FOXR1: variants seen among roughly 807,000 people sequenced by gnomAD.
FOXR1 encodes forkhead box R1.
Under a neutral mutation model 34.5 loss-of-function variants are expected in FOXR1, and 25 were observed. The observed-to-expected ratio is 0.72, with a 90% CI of 0.53 to 1.01. FOXR1 has a LOEUF of 1.01. FOXR1 is among the 50% of genes least tolerant of loss of function. The probability of loss-of-function intolerance (pLI) is 0.00; values close to 1 mark genes in which losing one functional copy is unlikely to be tolerated. For synonymous variants in FOXR1, 153 were observed against 141.6 expected, an observed-to-expected ratio of 1.08 and a Z score of -0.57; for missense variants, 373 against 376.2, an observed-to-expected ratio of 0.99 and a Z score of 0.07.
chr11:118,979,623 G>C lies in FOXR1; in HGVS notation c.566G>C (p.Ser189Thr), dbSNP rs1476482589. The C allele has an allele frequency of 1.2e-6, 2 of 1,611,666 alleles. No individual in the cohort carries two copies. Among genetic ancestry groups the C allele is most frequent in the Non-Finnish European group, 1.7e-6 (2 of 1,178,966 alleles). The change falls in exon 4 of 6, where the codon AGT becomes ACT. Residue 189 changes from serine (S) to threonine (T), a missense_variant. Physicochemically the swap from Ser to Thr is moderately conservative, Grantham distance 58. Coordinates refer to ENST00000317011, the MANE Select transcript of FOXR1 (RefSeq NM_181721.3). ...CTAATTGCCCTGGCATTAAGAAACA[G>C]TTCCCCCTGTGGCCTCAACGTGCAA... The part of the protein sequence containing the change: ...FHLIALALRN[S>T]SPCGLNVQQI...
At chr11:118,974,116 A>G (rs1796502257) in intron 1 of FOXR1, among the ~76,000 whole-genome samples, 1 of 152,216 alleles carries the variant, frequency 6.6e-6, no homozygotes, top group Non-Finnish European at 1.5e-5. Flanking sequence ...GAAAGTGGTA[A>G]GGTCAGTAAG....
intron 1 of FOXR1, among the ~76,000 whole-genome samples, chr11:118,977,122 C>G (rs938310254): frequency 6.6e-6 from 1 of 152,068 alleles, no homozygotes; most frequent in Non-Finnish European, 1.5e-5. Flanking sequence ...CTTCTGCCTC[C>G]CAGGTTCAAG....
intron 1 of FOXR1, among the ~76,000 whole-genome samples, chr11:118,973,690 C>T (rs958433017): frequency 1.1e-4 from 15 of 140,570 alleles, no homozygotes; most frequent in East Asian, 4.0e-4. Flanking sequence ...CCACCGCACC[C>T]GGCCTTCTTT....
chr11:118,979,528 T>G lies in FOXR1; in HGVS notation c.471T>G (p.Ser157Arg), dbSNP rs538261334. The G allele has an allele frequency of 1.1e-5, 17 of 1,613,282 alleles. No individual in the cohort carries two copies. In the East Asian group the frequency reaches 2.0e-4, roughly 19 times the overall value. Residue 157 changes from serine to arginine, a missense_variant, in exon 4 of 6, where the codon AGT becomes AGG. Ser to Arg is a moderately radical substitution (Grantham distance 110). Coordinates refer to ENST00000317011, the MANE Select transcript of FOXR1 (RefSeq NM_181721.3). ...CTCACAAAAGGGCCCCCCTCCAGAG[T>G]CGGAGGCTTCGGCAAGCCAGCAGCC... Reference protein sequence around the residue: ...PSPHKRAPLQSRRLRQASSQA... With the variant: ...PSPHKRAPLQRRRLRQASSQA...
chr11:118,973,658 G>A (rs1054803605), intron 1 of FOXR1, among the ~76,000 whole-genome samples: 5 of 151,606 alleles, frequency 3.3e-5, no homozygotes, highest in Admixed American at 2.0e-4. Flanking sequence ...GCCTCCCAAA[G>A]TGCTAGAATT....
At chr11:118,972,509 T>G (rs1005033280) in intron 1 of FOXR1, among the ~76,000 whole-genome samples, 6 of 152,148 alleles carry the variant, frequency 3.9e-5, no homozygotes, top group Non-Finnish European at 8.8e-5. Flanking sequence ...CATCGCGATC[T>G]TTTAGGTTTT....
intron 4 of FOXR1, 196 bp from the exon 5 acceptor site, chr11:118,980,294 G>T: frequency 1.4e-6 from 1 of 708,746 alleles, no homozygotes. Context: ...CAGAGGGAGG[G>T]AGGGTTCAGG....
chr11:118,972,779 CGCCCT>C (rs1379491251), intron 1 of FOXR1, among the ~76,000 whole-genome samples: 1 of 152,048 alleles, frequency 6.6e-6, no homozygotes, highest in African/African-American at 2.4e-5. Flanking sequence ...TGCGCCACCA[CGCCCT>C]GTTAATTTTT....
chr11:118,974,488 G>A (rs2134480162), intron 1 of FOXR1, among the ~76,000 whole-genome samples: 1 of 152,208 alleles, frequency 6.6e-6, no homozygotes, highest in East Asian at 1.9e-4. Context: ...CATGCTCTCA[G>A]GGTCTGCTTC....
chr11:118,976,059 C>G (rs942123844), intron 1 of FOXR1, among the ~76,000 whole-genome samples: 1 of 152,146 alleles, frequency 6.6e-6, no homozygotes, highest in Non-Finnish European at 1.5e-5. Context: ...CAGAAAGACA[C>G]GAGGTGGTGC....
In FOXR1 at chr11:118,978,940, T is replaced by C; in HGVS notation, c.137-17T>C. 1.2e-6 allele frequency: 2 copies of C among 1,613,130 alleles called. No individual in the cohort carries two copies. The highest frequency in any genetic ancestry group is 1.7e-6 in the Non-Finnish European group (2 of 1,179,518). On this transcript the variant is annotated splice_polypyrimidine_tract_variant and intron_variant, in intron 2 of 5. Coordinates refer to ENST00000317011, the MANE Select transcript of FOXR1 (RefSeq NM_181721.3). ...AAAGCCAGTGGGCTGTGGCACACAA[T>C]CTTTTGTTCTGCACAGGTCCAGATT...
rs112326280 is a variant in FOXR1, at chr11:118,979,246, C to T, written c.384+42C>T. 3.0e-3 allele frequency: 4,443 copies of T among 1,504,900 alleles called. 154 individuals are homozygous for T. In the African/African-American group the frequency reaches 0.056, roughly 19 times the overall value. 93.2% of individuals were successfully genotyped at this position (1,504,900 alleles called of 1,614,324 possible). A position where few individuals can be genotyped will look rare whatever the true frequency, so the allele number is the denominator to read the frequency against. On this transcript the variant is annotated intron_variant, in intron 3 of 5. Transcript: ENST00000317011. Reference sequence around the variant, plus strand: ...ATGGGAGTGGGACTTGGGCAGTAGGCGAGGGGCATGGGGAAGAGCCATTAC... The same window carrying T: ...ATGGGAGTGGGACTTGGGCAGTAGGTGAGGGGCATGGGGAAGAGCCATTAC...
intron 4 of FOXR1, 85 bp downstream of exon 4, chr11:118,979,753 T>G: frequency 3.1e-6 from 4 of 1,284,394 alleles, no homozygotes; most frequent in Non-Finnish European, 4.3e-6. Context: ...AGGCCCTGGG[T>G]TGCTGACCTG....
chr11:118,979,531 G>A lies in FOXR1; in HGVS notation c.474G>A (p.Arg158=). 1 of 1,613,680 alleles carries A rather than the reference G, an allele frequency of 6.2e-7. No homozygotes were observed. The highest frequency in any genetic ancestry group is 8.5e-7 in the Non-Finnish European group (1 of 1,179,772). ...SPHKRAPLQS[R]RLRQASSQAG... The stretch of plus-strand genomic sequence containing the variant: ...ACAAAAGGGCCCCCCTCCAGAGTCG[G>A]AGGCTTCGGCAAGCCAGCAGCCAGG... Residue 158 remains arginine, a synonymous_variant, in exon 4 of 6, where the codon CGG becomes CGA. Transcript: ENST00000317011.
chr11:118,979,088 C>T lies in FOXR1; in HGVS notation c.268C>T (p.Gln90Ter). Reference sequence around the variant, plus strand: ...CACACTCCCCTCCTCTCAGCCACCCCAGAAGGAGGAAGATGCCAGCTGCTC... The same window carrying T: ...CACACTCCCCTCCTCTCAGCCACCCTAGAAGGAGGAAGATGCCAGCTGCTC... ...TSTLPSSQPPQKEEDASCSEA... is the reference protein window; with the variant it reads ...TSTLPSSQPP The change falls in exon 3 of 6, where the codon CAG (glutamine) becomes TAG (stop). Residue 90 changes from glutamine to a stop codon, truncating the protein, a stop_gained. Transcript: ENST00000317011. LOFTEE classifies it high-confidence loss of function. The T allele has an allele frequency of 6.2e-7, 1 of 1,607,768 alleles. No individual in the cohort carries two copies. The highest frequency in any genetic ancestry group is 8.5e-7 in the Non-Finnish European group (1 of 1,177,248).
Position 118,973,492 on chromosome 11 carries a change from C to CG in FOXR1, c.61+1503dup, listed in dbSNP as rs577086521. ...CAGTGGTGCGATCTCCTCTGCCCCC[C>CG]GGGTTCAAGTGATTCTCCTGCCTCA... On this transcript the variant is annotated intron_variant, in intron 1 of 5. Coordinates refer to ENST00000317011, the MANE Select transcript of FOXR1 (RefSeq NM_181721.3). 8.9e-3 allele frequency among the ~76,000 whole-genome samples: 1,348 copies of CG among 152,034 alleles called. 11 individuals carry two copies. The highest frequency in any genetic ancestry group is 0.012 in the Non-Finnish European group (835 of 67,968).
At chr11:118,981,116 A>G in intron 5 of FOXR1, 92 bp from the exon 6 acceptor site, 1 of 1,273,774 alleles carries the variant, frequency 7.9e-7, no homozygotes, top group Non-Finnish European at 1.1e-6. Context: ...CTTGAGTGAA[A>G]GAAGCAGATG....
At chr11:118,975,068 GAGT>G (rs1460851206) in intron 1 of FOXR1, among the ~76,000 whole-genome samples, 3 of 152,154 alleles carry the variant, frequency 2.0e-5, no homozygotes, top group Admixed American at 2.0e-4. Context: ...GGAACTTAAG[GAGT>G]AAGAATAGAG....
chr11:118,972,359 T>C (rs1941721439), intron 1 of FOXR1, among the ~76,000 whole-genome samples: 1 of 152,018 alleles, frequency 6.6e-6, no homozygotes, highest in Admixed American at 6.6e-5. Flanking sequence ...TGGTCGCCAT[T>C]TGCTATACTG....
Sources: gnomAD v4.1 joint callset for allele counts (sites outside exome capture counted in the v4.1 genomes callset) on GRCh38, gnomAD v4.1.1 for gene constraint, MANE v1.5 for transcripts, NCBI Gene and HGNC (gene_info 2026-07-23, HGNC 2026-07-21) for gene names.